The following ABITRAM variants were observed in gnomAD, a reference collection of about 807,000 sequenced individuals.
ABITRAM encodes the protein protein Abitram.
Under a neutral mutation model 22.9 loss-of-function variants are expected in ABITRAM, and 19 were observed. The ratio of observed to expected loss-of-function variants is 0.83; its 90% CI spans 0.58 to 1.22. The LOEUF (loss-of-function observed/expected upper bound fraction) is 1.22, where lower values mean the gene tolerates loss of function less well. Ranked by LOEUF, ABITRAM falls within the 50% of genes most tolerant of loss-of-function variation. The pLI, the probability that ABITRAM is intolerant of heterozygous loss-of-function variation, is 0.00. For synonymous variants in ABITRAM, 70 were observed against 73.9 expected, an observed-to-expected ratio of 0.95 and a Z score of 0.27; for missense variants, 215 against 220.2, an observed-to-expected ratio of 0.98 and a Z score of 0.15.
downstream of ABITRAM, chr9:108,942,525 A>C: frequency 2.0e-6 from 1 of 502,576 alleles, no homozygotes; most frequent in Non-Finnish European, 3.5e-6. Flanking sequence ...TTTGACTTTT[A>C]AAGAACATTA....
chr9:108,936,456 G>A lies in ABITRAM; in HGVS notation c.261+19G>A. On this transcript the variant is annotated intron_variant, in intron 3 of 5. Transcript: ENST00000322940. ...TAAGCGGGTATGTTCCTGTAATTCTGTGATTATCTACTTACATCCTCTATA... is the reference window on the plus strand; with the variant it reads ...TAAGCGGGTATGTTCCTGTAATTCTATGATTATCTACTTACATCCTCTATA... The A allele has an allele frequency of 6.2e-7, 1 of 1,610,516 alleles. No individual in the cohort carries two copies.
chr9:108,938,865 C>T (rs962433873), intron 3 of ABITRAM, among the ~76,000 whole-genome samples: 2 of 152,028 alleles, frequency 1.3e-5, no homozygotes, highest in African/African-American at 2.4e-5. Flanking sequence ...TATATTGTTT[C>T]TTGTTGATGG....
Position 108,939,234 on chromosome 9 carries a change from G to A in ABITRAM, c.300G>A (p.Lys100=). The change falls in exon 4 of 6, where the codon AAG becomes AAA. Residue 100 remains lysine, a synonymous_variant. Transcript: ENST00000322940. The part of the protein sequence containing the change: ...QFLTELAPLC[K]IYCSDGEEYT... Reference sequence around the variant, plus strand: ...TAACAGAGCTTGCACCTCTCTGTAAGATTTACTGCTCAGATGGTGAAGAAT... The same window carrying A: ...TAACAGAGCTTGCACCTCTCTGTAAAATTTACTGCTCAGATGGTGAAGAAT... 6.2e-7 allele frequency: 1 copy of A among 1,613,996 alleles called. No individual in the cohort carries two copies. Among genetic ancestry groups the A allele is most frequent in the South Asian group, 1.1e-5 (1 of 91,066 alleles).
chr9:108,934,594 T>C, intron 1 of ABITRAM, 29 bp downstream of exon 1: 1 of 1,577,160 alleles, frequency 6.3e-7, no homozygotes. Context: ...TGATCCCTCC[T>C]TGGCCGCACT....
chr9:108,944,876 G>A (rs1830356156), downstream of ABITRAM, among the ~76,000 whole-genome samples: 1 of 152,098 alleles, frequency 6.6e-6, no homozygotes. Context: ...TGCTATCACT[G>A]GATAAAATGA....
chr9:108,939,867 T>G lies in ABITRAM; in HGVS notation c.*181T>G, dbSNP rs1830235868. Reference sequence around the variant, plus strand: ...TTCATAATGAGCCTTGGTTCCCATTTGTCTACAGCCTGCCAGATCTGGCCT... The same window carrying G: ...TTCATAATGAGCCTTGGTTCCCATTGGTCTACAGCCTGCCAGATCTGGCCT... On this transcript the variant is annotated 3_prime_UTR_variant, in exon 6 of 6. Coordinates refer to ENST00000322940, the MANE Select transcript of ABITRAM (RefSeq NM_017832.4). 5 of 660,532 alleles carry G rather than the reference T, an allele frequency of 7.6e-6. No individual in the cohort carries two copies. The highest frequency in any genetic ancestry group is 9.8e-6 in the Non-Finnish European group (4 of 406,826). The allele number at this position is 660,532 out of a possible 1,614,324, so 40.9% of individuals were successfully genotyped here. A position where few individuals can be genotyped will look rare whatever the true frequency, so the allele number is the denominator to read the frequency against.
At chr9:108,942,816 C>T (rs747584450), downstream of ABITRAM, 20 of 1,613,426 alleles carry the variant, frequency 1.2e-5, no homozygotes, top group Admixed American at 1.5e-4. Flanking sequence ...GAGACCCATC[C>T]GTTATTTTCC....
At chr9:108,950,063 AC>A (rs1194312213) in intron 3 of ABITRAM, among the ~76,000 whole-genome samples, 5 of 151,918 alleles carry the variant, frequency 3.3e-5, no homozygotes, top group African/African-American at 4.8e-5. Flanking sequence ...CTATTGATGA[AC>A]CCTTCATTTG....
At chr9:108,942,156 C>T (rs28361185), downstream of ABITRAM, among the ~76,000 whole-genome samples, 22 of 152,160 alleles carry the variant, frequency 1.4e-4, no homozygotes, top group African/African-American at 5.1e-4. Flanking sequence ...AGGAGTTGTT[C>T]CAGGATTCTG....
chr9:108,944,806 A>G (rs1357450581), downstream of ABITRAM, among the ~76,000 whole-genome samples: 1 of 152,168 alleles, frequency 6.6e-6, no homozygotes, highest in Non-Finnish European at 1.5e-5. Flanking sequence ...GAATACTAAG[A>G]AGGAGGAGGC....
chr9:108,947,149 T>C (rs1051193316), intron 3 of ABITRAM, among the ~76,000 whole-genome samples: 8 of 149,448 alleles, frequency 5.4e-5, no homozygotes, highest in African/African-American at 2.0e-4. Flanking sequence ...AGTCTTGCTC[T>C]GTCACCCAGA....
At chr9:108,943,800 T>C, downstream of ABITRAM, 1 of 1,613,552 alleles carries the variant, frequency 6.2e-7, no homozygotes, top group Non-Finnish European at 8.5e-7. Context: ...AAGCATAAGC[T>C]TGTCATCGTC....
downstream of ABITRAM, chr9:108,942,744 C>G: frequency 7.1e-7 from 1 of 1,409,264 alleles, no homozygotes; most frequent in Non-Finnish European, 1.0e-6. Context: ...ACATGATGTT[C>G]CAGAGATCTG....
In ABITRAM at chr9:108,940,952, G is replaced by T. The variant is rs1424060766; in HGVS notation, c.*1266G>T. Reference sequence around the variant, plus strand: ...TTTAAATAAAATATACTTTTATACAGAAGAAATCATTCGATGTATTAATTC... The same window carrying T: ...TTTAAATAAAATATACTTTTATACATAAGAAATCATTCGATGTATTAATTC... On this transcript the variant is annotated 3_prime_UTR_variant, in exon 6 of 6. Transcript: ENST00000322940. 1 of 152,050 alleles carries T rather than the reference G, an allele frequency of 6.6e-6. No individual in the cohort carries two copies. Among genetic ancestry groups the T allele is most frequent in the African/African-American group, 2.4e-5 (1 of 41,380 alleles). 9.4% of individuals were successfully genotyped at this position (152,050 alleles called of 1,614,324 possible). A position where few individuals can be genotyped will look rare whatever the true frequency, so the allele number is the denominator to read the frequency against.
chr9:108,950,400 C>T, intron 3 of ABITRAM: 1 of 1,204,094 alleles, frequency 8.3e-7, no homozygotes, highest in Non-Finnish European at 1.1e-6. Context: ...AAGGAAACCA[C>T]CAAAGGAATG....
downstream of ABITRAM, chr9:108,942,910 C>A (rs1485494454): frequency 1.2e-6 from 2 of 1,608,324 alleles, no homozygotes; most frequent in African/African-American, 1.3e-5. Context: ...TAACTATTTT[C>A]TTTTAAACCA....
intron 3 of ABITRAM, among the ~76,000 whole-genome samples, chr9:108,936,708 A>T (rs1830192026): frequency 6.6e-6 from 1 of 152,196 alleles, no homozygotes; most frequent in Admixed American, 6.5e-5. Context: ...CTTTGAAAGG[A>T]GAACTCTAAT....
intron 3 of ABITRAM, chr9:108,948,056 C>T (rs1830455138): frequency 3.1e-5 from 33 of 1,051,870 alleles, no homozygotes; most frequent in Non-Finnish European, 4.5e-5. Context: ...TTTTCTACTG[C>T]TCTCTGTAAT....
chr9:108,943,646 A>G (rs984710867), downstream of ABITRAM: 49 of 1,416,538 alleles, frequency 3.5e-5, no homozygotes, highest in East Asian at 4.7e-5. Context: ...TTGAAGAAAA[A>G]GGGGCTTTAA....
Sources: gnomAD v4.1 joint callset for allele counts (sites outside exome capture counted in the v4.1 genomes callset) on GRCh38, gnomAD v4.1.1 for gene constraint, MANE v1.5 for transcripts, NCBI Gene and HGNC (gene_info 2026-07-23, HGNC 2026-07-21) for gene names.